Variants in ROBO2 observed in about 807,000 individuals in gnomAD.
ROBO2 encodes roundabout homolog 2.
In ROBO2, 53 loss-of-function variants were observed where a neutral mutation model predicts 160.8. The ratio of observed to expected loss-of-function variants is 0.33; its 90% CI spans 0.26 to 0.41. The LOEUF (loss-of-function observed/expected upper bound fraction) is 0.41. ROBO2 is among the 10% of genes least tolerant of loss of function. The probability of loss-of-function intolerance (pLI) is 1.00; values close to 1 mark genes in which losing one functional copy is unlikely to be tolerated. For synonymous variants in ROBO2, 664 were observed against 611.7 expected (o/e 1.09, Z -1.26); for missense variants, 1,577 against 1,722.4 (o/e 0.92, Z 1.49).
chr3:77,614,902 T>A (rs1307203834), intron 21 of ROBO2, among the ~76,000 whole-genome samples: 2 of 152,218 alleles, frequency 1.3e-5, no homozygotes, highest in Admixed American at 6.5e-5. Flanking sequence ...CTTCTTTCTT[T>A]GCCAGCTCTT....
chr3:76,030,724 A>G (rs1194568435), intron 2 of ROBO2, among the ~76,000 whole-genome samples: 2 of 152,088 alleles, frequency 1.3e-5, no homozygotes, highest in African/African-American at 4.8e-5. Context: ...CCATTGTTCT[A>G]TGTATCTGTT....
chr3:76,672,824 G>C (rs1172291808), intron 2 of ROBO2, among the ~76,000 whole-genome samples: 1 of 152,130 alleles, frequency 6.6e-6, no homozygotes, highest in Non-Finnish European at 1.5e-5. Flanking sequence ...CTACTTCTAT[G>C]TATAACATGA....
chr3:77,504,644 G>A (rs551282463), intron 5 of ROBO2, among the ~76,000 whole-genome samples: 14 of 152,198 alleles, frequency 9.2e-5, no homozygotes, highest in Admixed American at 3.9e-4. Context: ...TTTCTCAAAC[G>A]TAAACCCCAA....
intron 2 of ROBO2, among the ~76,000 whole-genome samples, chr3:76,618,130 G>A (rs1671484244): frequency 6.6e-6 from 1 of 151,600 alleles, no homozygotes; most frequent in African/African-American, 2.4e-5. Flanking sequence ...CAGAGCCAGG[G>A]AGGACTAGCT....
intron 24 of ROBO2, among the ~76,000 whole-genome samples, chr3:77,637,609 GTAAATAAAAAAGGACTACTTTCACT>G (rs956474046): frequency 2.0e-5 from 3 of 152,116 alleles, no homozygotes; most frequent in Admixed American, 1.3e-4. Context: ...CTAATTCTTC[GTAAATAAAAAAGGACTACTTTCACT>G]GAATTGCTAG....
chr3:76,738,004 C>T (rs1262120495), intron 2 of ROBO2, among the ~76,000 whole-genome samples: 1 of 151,978 alleles, frequency 6.6e-6, no homozygotes, highest in Non-Finnish European at 1.5e-5. Context: ...TGGGATGGCA[C>T]ATGCCTGTAG....
In ROBO2 at chr3:76,939,979, A is replaced by ATTTTTTTTTTTT. The variant is rs71104641; in HGVS notation, c.110-158026_110-158015dup. Among the ~76,000 whole-genome samples, 11 of 120,552 alleles carry ATTTTTTTTTTTT rather than the reference A, an allele frequency of 9.1e-5. 1 individual carries two copies. The highest frequency in any genetic ancestry group is 2.4e-4 in the African/African-American group (7 of 28,612). The allele number at this position is 120,552 out of a possible 152,430, so 79.1% of individuals were successfully genotyped here. A position where few individuals can be genotyped will look rare whatever the true frequency, so the allele number is the denominator to read the frequency against. On this transcript the variant is annotated intron_variant, in intron 2 of 26. Coordinates refer to the ROBO2 transcript ENST00000487694. ...GGCAGAGGAAGGACAAAGCAACAGG[A>ATTTTTTTTTTTT]TTTTTTTTTTTTTTTTTTTTGAGAC...
intron 1 of ROBO2, among the ~76,000 whole-genome samples, chr3:77,043,329 A>G (rs2064286143): frequency 6.6e-6 from 1 of 152,220 alleles, no homozygotes; most frequent in Admixed American, 6.5e-5. Context: ...TGTGCTAGAC[A>G]CAGATATTAA....
At chr3:76,851,323 A>T (rs548994893) in intron 2 of ROBO2, among the ~76,000 whole-genome samples, 1 of 152,362 alleles carries the variant, frequency 6.6e-6, no homozygotes, top group East Asian at 1.9e-4. Context: ...TGGACAGAAC[A>T]ATTAGAACAT....
chr3:77,409,309 A>G (rs2076513736), intron 2 of ROBO2, among the ~76,000 whole-genome samples: 1 of 151,854 alleles, frequency 6.6e-6, no homozygotes, highest in Admixed American at 6.6e-5. Context: ...ATAACCTCCA[A>G]ATGTCTGAAT....
At chr3:76,916,985 G>A (rs993681650) in intron 2 of ROBO2, among the ~76,000 whole-genome samples, 3 of 151,902 alleles carry the variant, frequency 2.0e-5, no homozygotes, top group Non-Finnish European at 2.9e-5. Context: ...TCCTCTCCCC[G>A]CAAACAACAC....
At chr3:77,548,925 C>T (rs184885258) in intron 7 of ROBO2, among the ~76,000 whole-genome samples, 2 of 151,930 alleles carry the variant, frequency 1.3e-5, no homozygotes, top group South Asian at 2.1e-4. Flanking sequence ...AAAAATAAGT[C>T]GGTCTTACTA....
chr3:76,404,221 T>A (rs1205197644), intron 2 of ROBO2, among the ~76,000 whole-genome samples: 1 of 151,620 alleles, frequency 6.6e-6, no homozygotes, highest in African/African-American at 2.4e-5. Flanking sequence ...AATGACAACA[T>A]AGAATCAAAT....
intron 2 of ROBO2, among the ~76,000 whole-genome samples, chr3:76,935,029 T>C (rs993631115): frequency 4.6e-5 from 7 of 150,798 alleles, no homozygotes; most frequent in African/African-American, 1.7e-4. Flanking sequence ...AACTGCTCAC[T>C]GCAGTCTTGA....
At chr3:76,921,176 T>C (rs2076634837) in intron 2 of ROBO2, among the ~76,000 whole-genome samples, 1 of 152,222 alleles carries the variant, frequency 6.6e-6, no homozygotes, top group African/African-American at 2.4e-5. Flanking sequence ...CACGTGAATG[T>C]ATGCCTTCTA....
At chr3:77,250,032 G>C (rs1199391706) in intron 2 of ROBO2, among the ~76,000 whole-genome samples, 1 of 151,804 alleles carries the variant, frequency 6.6e-6, no homozygotes, top group Non-Finnish European at 1.5e-5. Flanking sequence ...TAATGCACAA[G>C]GAGAAAGTCA....
intron 2 of ROBO2, among the ~76,000 whole-genome samples, chr3:77,209,352 A>G (rs1291525277): frequency 6.6e-6 from 1 of 152,206 alleles, no homozygotes; most frequent in African/African-American, 2.4e-5. Context: ...AGTGTCACAT[A>G]AAAACATCTT....
intron 2 of ROBO2, among the ~76,000 whole-genome samples, chr3:77,152,120 A>G (rs1029442773): frequency 2.0e-5 from 3 of 152,142 alleles, no homozygotes; most frequent in African/African-American, 7.2e-5. Context: ...TGCTACAACT[A>G]TGGACTACCT....
intron 6 of ROBO2, among the ~76,000 whole-genome samples, chr3:77,524,424 A>G (rs1485185729): frequency 6.6e-6 from 1 of 151,336 alleles, no homozygotes; most frequent in African/African-American, 2.4e-5. Flanking sequence ...TTGCAAAAAC[A>G]ATTCACTAGA....
Sources: allele counts gnomAD v4.1 joint callset (sites outside exome capture counted in the v4.1 genomes callset), GRCh38; gene constraint gnomAD v4.1.1; transcripts MANE v1.5; gene names NCBI Gene and HGNC (gene_info 2026-07-23, HGNC 2026-07-21).